Variants in ZDHHC20 observed in about 807,000 individuals in gnomAD.
ZDHHC20 encodes the protein palmitoyltransferase ZDHHC20.
Under a neutral mutation model 57.8 loss-of-function variants are expected in ZDHHC20, and 43 were observed. The observed-to-expected ratio is 0.74, with a 90% CI of 0.58 to 0.96. The LOEUF is 0.96. Among genes scored for constraint, ZDHHC20 ranks in the 40% least tolerant of loss-of-function variants. The pLI is 0.00. For missense variants in ZDHHC20, 391 were observed against 441.1 expected (o/e 0.89, Z 1.02); for synonymous variants, 157 against 153.0 (o/e 1.03, Z -0.19).
In ZDHHC20 at chr13:21,421,051, T is replaced by C. The variant is rs1593242412; in HGVS notation, c.249+10A>G. The C allele has an allele frequency of 5.6e-6, 9 of 1,601,614 alleles. No homozygotes were observed. Among genetic ancestry groups the C allele is most frequent in the East Asian group, 2.2e-5 (1 of 44,712 alleles). Reference sequence around the variant, plus strand: ...TAAAACATTTGGTAATTTACCAACATTAAATTTACCTCTTTGGAGGGGGAA... The same window carrying C: ...TAAAACATTTGGTAATTTACCAACACTAAATTTACCTCTTTGGAGGGGGAA... On this transcript the variant is annotated intron_variant, in intron 3 of 12. Transcript: ENST00000400590.
chr13:21,430,728 T>C lies in ZDHHC20; in HGVS notation c.119-5050A>G, dbSNP rs191495158. On this transcript the variant is annotated intron_variant, in intron 1 of 12. Coordinates refer to ENST00000400590, the MANE Select transcript of ZDHHC20 (RefSeq NM_001330059.2). ...TAGGGTTTGTTTTGGTCTGTATTCA[T>C]TGGTGTTTCCAGGTTGACAGCTTCT... is the stretch of plus-strand genomic sequence containing the variant. 3.0e-3 allele frequency among the ~76,000 whole-genome samples: 461 copies of C among 152,272 alleles called. 2 individuals are homozygous for C. Among genetic ancestry groups the C allele is most frequent in the African/African-American group, 0.01 (428 of 41,548 alleles).
At chr13:21,408,674 A>G (rs778667372) in intron 4 of ZDHHC20, among the ~76,000 whole-genome samples, 18 of 152,166 alleles carry the variant, frequency 1.2e-4, no homozygotes, top group Non-Finnish European at 2.5e-4. Flanking sequence ...GAGAGAGGAC[A>G]TTCTTGTTTT....
chr13:21,407,812 G>T (rs1282368530), intron 4 of ZDHHC20, among the ~76,000 whole-genome samples: 1 of 152,226 alleles, frequency 6.6e-6, no homozygotes, highest in Admixed American at 6.5e-5. Context: ...GTAAGGAAGA[G>T]ATCCAGTTTC....
intron 1 of ZDHHC20, among the ~76,000 whole-genome samples, chr13:21,441,218 A>G (rs533883527): frequency 2.6e-5 from 4 of 152,342 alleles, no homozygotes; most frequent in Non-Finnish European, 4.4e-5. Flanking sequence ...TATTCTGTCT[A>G]TGAACGTAAA....
At chr13:21,419,017 CT>C (rs914575059) in intron 3 of ZDHHC20, among the ~76,000 whole-genome samples, 19 of 152,150 alleles carry the variant, frequency 1.2e-4, no homozygotes, top group African/African-American at 4.3e-4. Context: ...CTCAAAAGTA[CT>C]ACCAATTATT....
intron 1 of ZDHHC20, among the ~76,000 whole-genome samples, chr13:21,435,030 G>A (rs1436989166): frequency 1.3e-5 from 2 of 152,038 alleles, no homozygotes; most frequent in East Asian, 1.9e-4. Flanking sequence ...CCTTTTATAC[G>A]GGTTGTACCA....
Position 21,391,832 on chromosome 13 carries a change from G to C in ZDHHC20, c.617C>G (p.Ala206Gly). Residue 206 changes from alanine (A) to glycine (G), a missense_variant, in exon 8 of 13, where the codon GCA (alanine) becomes GGA (glycine). Transcript: ENST00000400590. ...GAAAAGAAAAAGTACGTGGAATTTT[G>C]CACGTGTATCTGTCAGTTCATTCTG... The part of the protein sequence containing the change: ...FWTNELTDTR[A>G]KFHVLFLFFV... 6.2e-7 allele frequency: 1 copy of C among 1,612,362 alleles called. No homozygotes were observed. Among genetic ancestry groups the C allele is most frequent in the Non-Finnish European group, 8.5e-7 (1 of 1,179,340 alleles).
Position 21,398,783 on chromosome 13 carries a change from T to C in ZDHHC20, c.594+1590A>G, listed in dbSNP as rs147310670. On this transcript the variant is annotated intron_variant, in intron 7 of 12. Transcript: ENST00000400590. ...TTGAGACGTGCTGATTTTTATGGTGTCTTCCTCATGTCTACTGGTTCAATA... is the reference window on the plus strand; with the variant it reads ...TTGAGACGTGCTGATTTTTATGGTGCCTTCCTCATGTCTACTGGTTCAATA... Among the ~76,000 whole-genome samples, 639 of 152,300 alleles carry C rather than the reference T, an allele frequency of 4.2e-3. 4 individuals carry two copies. The highest frequency in any genetic ancestry group is 0.015 in the African/African-American group (613 of 41,552).
intron 10 of ZDHHC20, 108 bp downstream of exon 10, chr13:21,382,812 G>A: frequency 1.1e-6 from 1 of 890,678 alleles, no homozygotes; most frequent in Non-Finnish European, 1.7e-6. Context: ...CCCTAACTAT[G>A]CTGGCTTACT....
At chr13:21,435,513 G>C (rs1202800382) in intron 1 of ZDHHC20, among the ~76,000 whole-genome samples, 1 of 152,134 alleles carries the variant, frequency 6.6e-6, no homozygotes, top group Non-Finnish European at 1.5e-5. Flanking sequence ...CCAAATCTGG[G>C]ACAAATTGAA....
Position 21,459,103 on chromosome 13 carries a change from G to T in ZDHHC20, c.69C>A (p.Thr23=). 1.2e-6 allele frequency: 2 copies of T among 1,607,248 alleles called. No individual in the cohort carries two copies. The highest frequency in any genetic ancestry group is 1.1e-5 in the South Asian group (1 of 90,170). Reference sequence around the variant, plus strand: ...CGTAGTAGGACCAGACGACCACGAAGGTGATGAAGAGCACCGGCACCCAGC... The same window carrying T: ...CGTAGTAGGACCAGACGACCACGAATGTGATGAAGAGCACCGGCACCCAGC... ...VVGWVPVLFI[T]FVVVWSYYAY... The change falls in exon 1 of 13, where the codon ACC becomes ACA. Residue 23 remains threonine (T), a synonymous_variant. Transcript: ENST00000400590.
chr13:21,448,053 C>T (rs1257051384), intron 1 of ZDHHC20, among the ~76,000 whole-genome samples: 2 of 130,646 alleles, frequency 1.5e-5, no homozygotes, highest in African/African-American at 2.8e-5. Context: ...TGGCAACCAC[C>T]CCGTCTGAAA....
chr13:21,421,304 A>G (rs980264243), intron 2 of ZDHHC20, 140 bp from the exon 3 acceptor site: 4 of 665,752 alleles, frequency 6.0e-6, no homozygotes, highest in Non-Finnish European at 1.1e-5. Flanking sequence ...TCAAATATAT[A>G]AACTTTACTT....
intron 7 of ZDHHC20, among the ~76,000 whole-genome samples, chr13:21,395,361 C>T (rs531233842): frequency 2.3e-4 from 35 of 151,620 alleles, no homozygotes; most frequent in Non-Finnish European, 3.5e-4. Context: ...CCACCGCGCC[C>T]GGCCTAAATT....
chr13:21,396,488 A>G lies in ZDHHC20; in HGVS notation c.594+3885T>C, dbSNP rs189061254. Among the ~76,000 whole-genome samples, 527 of 152,306 alleles carry G rather than the reference A, an allele frequency of 3.5e-3. 2 individuals carry two copies. The highest frequency in any genetic ancestry group is 5.5e-3 in the Non-Finnish European group (374 of 68,028). On this transcript the variant is annotated intron_variant, in intron 7 of 12. Coordinates refer to ENST00000400590, the MANE Select transcript of ZDHHC20 (RefSeq NM_001330059.2). ...ATATAAAAAGAACTGCTTTAAAAAT[A>G]TAAAACTTTGATGTGACAAAAACAA...
intron 8 of ZDHHC20, among the ~76,000 whole-genome samples, chr13:21,388,514 T>C (rs1875017002): frequency 6.6e-6 from 1 of 152,110 alleles, no homozygotes; most frequent in African/African-American, 2.4e-5. Context: ...CAAGAAATGT[T>C]TGTATGAGGC....
intron 5 of ZDHHC20, 35 bp from the exon 6 acceptor site, chr13:21,401,720 G>T (rs530556905): frequency 6.8e-7 from 1 of 1,474,412 alleles, no homozygotes; most frequent in East Asian, 2.7e-5. Context: ...AATCCATGCA[G>T]AAAAATTCTT....
At chr13:21,412,527 CAA>C (rs1179310779) in intron 4 of ZDHHC20, among the ~76,000 whole-genome samples, 1 of 151,902 alleles carries the variant, frequency 6.6e-6, no homozygotes, top group Non-Finnish European at 1.5e-5. Context: ...CTGAAAAACA[CAA>C]AGAGGAAAGC....
intron 11 of ZDHHC20, among the ~76,000 whole-genome samples, chr13:21,380,790 C>CA (rs552347815): frequency 1.2e-3 from 148 of 124,088 alleles, no homozygotes; most frequent in South Asian, 4.2e-3. Flanking sequence ...AATTCCATCT[C>CA]AAAAAAAAAA....
Sources: allele counts gnomAD v4.1 joint callset (sites outside exome capture counted in the v4.1 genomes callset), GRCh38; gene constraint gnomAD v4.1.1; transcripts MANE v1.5; gene names NCBI Gene and HGNC (gene_info 2026-07-23, HGNC 2026-07-21).